SLC25A21: variants seen among roughly 807,000 people sequenced by gnomAD.
SLC25A21 encodes solute carrier family 25 member 21, also known as mitochondrial 2-oxodicarboxylate carrier.
In SLC25A21, 47 loss-of-function variants were observed where a neutral mutation model predicts 43.8. The observed-to-expected ratio is 1.07, with a 90% confidence interval of 0.85 to 1.37. The LOEUF is 1.37. Ranked by LOEUF, SLC25A21 falls within the 40% of genes most tolerant of loss-of-function variation. The pLI is 0.00. For missense variants in SLC25A21, 352 were observed against 350.2 expected (o/e 1.00, Z -0.04); for synonymous variants, 131 against 121.3 (o/e 1.08, Z -0.52).
intron 1 of SLC25A21, among the ~76,000 whole-genome samples, chr14:37,086,187 C>T (rs951776693): frequency 5.3e-5 from 8 of 151,996 alleles, no homozygotes; most frequent in Non-Finnish European, 1.0e-4. Context: ...TGCTTCATCT[C>T]CTTTTTAAAA....
intron 1 of SLC25A21, among the ~76,000 whole-genome samples, chr14:37,012,305 T>A (rs747420193): frequency 1.2e-4 from 19 of 152,202 alleles, no homozygotes; most frequent in Admixed American, 8.5e-4. Flanking sequence ...AATTTCCTTT[T>A]TATTTTATCT....
chr14:36,925,532 C>T (rs747934601), intron 1 of SLC25A21, among the ~76,000 whole-genome samples: 3 of 152,048 alleles, frequency 2.0e-5, no homozygotes, highest in Non-Finnish European at 2.9e-5. Flanking sequence ...TACAAGAACC[C>T]CAAATGTGTA....
intron 1 of SLC25A21, among the ~76,000 whole-genome samples, chr14:36,928,090 G>A (rs1295349588): frequency 6.6e-6 from 1 of 152,166 alleles, no homozygotes; most frequent in Non-Finnish European, 1.5e-5. Flanking sequence ...CACAGTAGAA[G>A]TCATGCTGAC....
At chr14:36,856,472 T>G (rs969879198) in intron 2 of SLC25A21, among the ~76,000 whole-genome samples, 1 of 151,826 alleles carries the variant, frequency 6.6e-6, no homozygotes, top group African/African-American at 2.4e-5. Flanking sequence ...ATTCTGCGAG[T>G]GGGCACTGGG....
chr14:36,893,595 G>A (rs1891149305), intron 1 of SLC25A21, among the ~76,000 whole-genome samples: 2 of 152,210 alleles, frequency 1.3e-5, no homozygotes, highest in South Asian at 2.1e-4. Context: ...TGCTTTTGCT[G>A]TTTTAGACAT....
intron 5 of SLC25A21, among the ~76,000 whole-genome samples, chr14:36,727,395 A>G (rs978690275): frequency 6.6e-6 from 1 of 152,272 alleles, no homozygotes; most frequent in African/African-American, 2.4e-5. Context: ...GCGCATAAAA[A>G]AGGAAGAATG....
chr14:37,107,294 C>A (rs902699915), intron 1 of SLC25A21, among the ~76,000 whole-genome samples: 1 of 152,048 alleles, frequency 6.6e-6, no homozygotes, highest in East Asian at 1.9e-4. Flanking sequence ...CCTCCCACCT[C>A]ATTCTCCTGA....
chr14:37,062,018 G>C (rs1026628392), intron 1 of SLC25A21, among the ~76,000 whole-genome samples: 66 of 152,084 alleles, frequency 4.3e-4, no homozygotes, highest in Admixed American at 1.3e-3. Flanking sequence ...AAACAGTATG[G>C]CCCCCCTGTA....
At chr14:37,037,308 G>A (rs1419455207) in intron 1 of SLC25A21, among the ~76,000 whole-genome samples, 3 of 152,092 alleles carry the variant, frequency 2.0e-5, no homozygotes, top group Admixed American at 2.0e-4. Context: ...CACCTTTTCA[G>A]GGGATCCTCT....
At chr14:36,904,817 C>T (rs956802308) in intron 1 of SLC25A21, among the ~76,000 whole-genome samples, 12 of 152,134 alleles carry the variant, frequency 7.9e-5, no homozygotes, top group African/African-American at 2.7e-4. Flanking sequence ...AATCACCTCC[C>T]ACCAGGTCCC....
intron 1 of SLC25A21, among the ~76,000 whole-genome samples, chr14:37,042,298 T>A (rs907559998): frequency 6.6e-6 from 1 of 152,170 alleles, no homozygotes; most frequent in East Asian, 1.9e-4. Context: ...TGAGTTATGT[T>A]GGGGAGGGGG....
At chr14:36,755,888 A>C (rs1885909854) in intron 3 of SLC25A21, among the ~76,000 whole-genome samples, 1 of 152,144 alleles carries the variant, frequency 6.6e-6, no homozygotes, top group Non-Finnish European at 1.5e-5. Flanking sequence ...CAGGATGGCA[A>C]ATGAGAGGCT....
intron 1 of SLC25A21, among the ~76,000 whole-genome samples, chr14:37,087,164 C>T (rs1421260626): frequency 6.6e-6 from 1 of 152,116 alleles, no homozygotes; most frequent in East Asian, 1.9e-4. Flanking sequence ...GTTTCCTCCA[C>T]AATAAAAGAA....
intron 5 of SLC25A21, among the ~76,000 whole-genome samples, chr14:36,728,558 T>C (rs930877168): frequency 1.3e-5 from 2 of 152,220 alleles, no homozygotes; most frequent in African/African-American, 4.8e-5. Flanking sequence ...CTATCTTGTA[T>C]AGGCAAGGGC....
At chr14:37,066,153 C>G (rs932303493) in intron 1 of SLC25A21, among the ~76,000 whole-genome samples, 4 of 152,140 alleles carry the variant, frequency 2.6e-5, no homozygotes, top group African/African-American at 9.7e-5. Flanking sequence ...AGATATGACA[C>G]TCGGAGAAAA....
chr14:37,017,956 C>T (rs1055616893), intron 1 of SLC25A21, among the ~76,000 whole-genome samples: 2 of 151,870 alleles, frequency 1.3e-5, no homozygotes, highest in Admixed American at 6.6e-5. Context: ...AAATTTTCAT[C>T]CAGCAATTCT....
At chr14:36,768,801 A>G (rs1056783700) in intron 3 of SLC25A21, among the ~76,000 whole-genome samples, 4 of 152,166 alleles carry the variant, frequency 2.6e-5, no homozygotes, top group African/African-American at 9.7e-5. Flanking sequence ...TACCTGATAA[A>G]GGATAGCTAC....
chr14:36,872,693 G>A (rs1890409568), intron 2 of SLC25A21, among the ~76,000 whole-genome samples: 1 of 152,184 alleles, frequency 6.6e-6, no homozygotes. Flanking sequence ...TGGAAGGACT[G>A]TATCTTCCTC....
intron 1 of SLC25A21, among the ~76,000 whole-genome samples, chr14:36,931,907 T>A (rs1021954256): frequency 1.3e-5 from 2 of 152,178 alleles, no homozygotes; most frequent in Non-Finnish European, 2.9e-5. Flanking sequence ...AATTTCATAA[T>A]GAACTTTGAG....
Sources: gnomAD v4.1 joint callset for allele counts (sites outside exome capture counted in the v4.1 genomes callset) on GRCh38, gnomAD v4.1.1 for gene constraint, MANE v1.5 for transcripts, NCBI Gene and HGNC (gene_info 2026-07-23, HGNC 2026-07-21) for gene names.